ADAMTSL1: variants seen among roughly 807,000 people sequenced by gnomAD.
ADAMTSL1 encodes ADAMTS like 1, also known as ADAMTS-like protein 1.
ADAMTSL1 carries 126 observed loss-of-function variants against 201.8 expected under a neutral mutation model. That is an observed-to-expected ratio of 0.62 (90% CI 0.54 to 0.72). The LOEUF (loss-of-function observed/expected upper bound fraction) is 0.72. Ranked by LOEUF, ADAMTSL1 falls within the 30% of genes least tolerant of loss-of-function variation. The pLI, the probability that ADAMTSL1 is intolerant of heterozygous loss-of-function variation, is 0.00. For missense variants in ADAMTSL1, 2,679 were observed against 2,277.8 expected (o/e 1.18, Z -3.59); for synonymous variants, 1,121 against 903.4 (o/e 1.24, Z -4.32).
Position 17,990,410 on chromosome 9 carries a change from C to T in ADAMTSL1, c.87+83488C>T, listed in dbSNP as rs540488055. 2.6e-5 allele frequency among the ~76,000 whole-genome samples: 4 copies of T among 152,098 alleles called. No homozygotes were observed. In the East Asian group the frequency reaches 5.8e-4, roughly 22 times the overall value. Reference sequence around the variant, plus strand: ...TCATTTTGTTTTTGGTTAATTAAGTCAGTTTGTTGCCACAAAATAGTAACT... The same window carrying T: ...TCATTTTGTTTTTGGTTAATTAAGTTAGTTTGTTGCCACAAAATAGTAACT... On this transcript the variant is annotated intron_variant, in intron 1 of 29. Transcript: ENST00000680146.
intron 23 of ADAMTSL1, among the ~76,000 whole-genome samples, chr9:18,853,749 C>A (rs1045413496): frequency 2.6e-5 from 4 of 152,152 alleles, no homozygotes; most frequent in Non-Finnish European, 4.4e-5. Context: ...TAGATCAGAT[C>A]TCTATCACTG....
intron 2 of ADAMTSL1, among the ~76,000 whole-genome samples, chr9:18,433,804 CT>C (rs1437521961): frequency 8.5e-5 from 13 of 152,300 alleles, no homozygotes; most frequent in African/African-American, 3.1e-4. Flanking sequence ...AACAAAATGA[CT>C]CATAAAATTG....
At chr9:18,227,675 T>C (rs1830481292) in intron 2 of ADAMTSL1, among the ~76,000 whole-genome samples, 1 of 152,118 alleles carries the variant, frequency 6.6e-6, no homozygotes. Flanking sequence ...GCTCATTAGG[T>C]CCTTTCTGTC....
chr9:18,002,485 T>C (rs1290829039), intron 1 of ADAMTSL1, among the ~76,000 whole-genome samples: 1 of 152,038 alleles, frequency 6.6e-6, no homozygotes, highest in Non-Finnish European at 1.5e-5. Context: ...CTTAGTAAGT[T>C]CTTAATAATG....
intron 2 of ADAMTSL1, among the ~76,000 whole-genome samples, chr9:18,327,298 G>A (rs1311255897): frequency 6.6e-6 from 1 of 152,206 alleles, no homozygotes; most frequent in South Asian, 2.1e-4. Flanking sequence ...CTATGGTTAT[G>A]CTACTCTTGA....
chr9:18,372,710 C>T (rs1484851479), intron 2 of ADAMTSL1, among the ~76,000 whole-genome samples: 1 of 152,158 alleles, frequency 6.6e-6, no homozygotes, highest in African/African-American at 2.4e-5. Context: ...TAATTGAAGG[C>T]TTGCTCCCAT....
At chr9:18,374,837 C>G (rs1241088588) in intron 2 of ADAMTSL1, among the ~76,000 whole-genome samples, 1 of 152,178 alleles carries the variant, frequency 6.6e-6, no homozygotes. Context: ...ATCAACCACC[C>G]CTCTCCATTT....
intron 1 of ADAMTSL1, among the ~76,000 whole-genome samples, chr9:18,099,670 C>G (rs1055888834): frequency 1.4e-5 from 2 of 142,296 alleles, no homozygotes; most frequent in African/African-American, 5.4e-5. Flanking sequence ...TGGAGTCTCG[C>G]TCTGTTGCCC....
intron 1 of ADAMTSL1, among the ~76,000 whole-genome samples, chr9:18,133,259 C>G (rs1249769489): frequency 6.6e-6 from 1 of 152,108 alleles, no homozygotes; most frequent in African/African-American, 2.4e-5. Context: ...AGGCTAATAA[C>G]TCATCTGATG....
At chr9:17,965,656 C>G (rs182168652) in intron 1 of ADAMTSL1, among the ~76,000 whole-genome samples, 1 of 152,286 alleles carries the variant, frequency 6.6e-6, no homozygotes, top group Non-Finnish European at 1.5e-5. Flanking sequence ...AGAGTTTTGA[C>G]AATTCCTATG....
chr9:18,432,657 G>A (rs1227571465), intron 2 of ADAMTSL1, among the ~76,000 whole-genome samples: 1 of 152,200 alleles, frequency 6.6e-6, no homozygotes, highest in Non-Finnish European at 1.5e-5. Flanking sequence ...GTTGCTTGCT[G>A]AGGGCCTCAG....
At chr9:18,451,176 A>G (rs1251720417) in intron 2 of ADAMTSL1, among the ~76,000 whole-genome samples, 2 of 152,178 alleles carry the variant, frequency 1.3e-5, no homozygotes, top group Non-Finnish European at 2.9e-5. Context: ...CCATTTTATC[A>G]AAGCTGAGAA....
intron 3 of ADAMTSL1, among the ~76,000 whole-genome samples, chr9:18,557,825 C>G (rs942663820): frequency 6.6e-6 from 1 of 152,042 alleles, no homozygotes; most frequent in African/African-American, 2.4e-5. Context: ...ATCTATCAAT[C>G]TCACCCTTTC....
At chr9:18,065,227 C>T (rs1000373975) in intron 1 of ADAMTSL1, among the ~76,000 whole-genome samples, 9 of 152,060 alleles carry the variant, frequency 5.9e-5, no homozygotes, top group Non-Finnish European at 1.2e-4. Context: ...ATTCACATCT[C>T]TGTTGGGATG....
chr9:18,799,533 C>T (rs1160125504), intron 20 of ADAMTSL1, among the ~76,000 whole-genome samples: 6 of 152,074 alleles, frequency 3.9e-5, no homozygotes, highest in Non-Finnish European at 8.8e-5. Flanking sequence ...GTGAGGTCAT[C>T]GACAAAAGGG....
intron 1 of ADAMTSL1, among the ~76,000 whole-genome samples, chr9:18,155,773 A>G (rs1225361485): frequency 6.6e-6 from 1 of 151,994 alleles, no homozygotes; most frequent in Non-Finnish European, 1.5e-5. Context: ...GCCTGTTTTG[A>G]TACAGATAGG....
chr9:18,516,087 C>CAAAAAAG (rs1818347575), intron 2 of ADAMTSL1, among the ~76,000 whole-genome samples: 1 of 131,124 alleles, frequency 7.6e-6, no homozygotes, highest in Admixed American at 7.8e-5. Flanking sequence ...CCTCAACTAC[C>CAAAAAAG]AAAAAAAAAA....
At chr9:18,314,835 C>T (rs1486551176) in intron 2 of ADAMTSL1, among the ~76,000 whole-genome samples, 32 of 108,618 alleles carry the variant, frequency 2.9e-4, no homozygotes, top group Admixed American at 4.4e-4. Flanking sequence ...CTTGCTCTGT[C>T]GCCCAGGCTG....
At chr9:18,164,845 C>T (rs1827563594) in intron 2 of ADAMTSL1, among the ~76,000 whole-genome samples, 1 of 151,884 alleles carries the variant, frequency 6.6e-6, no homozygotes, top group African/African-American at 2.4e-5. Flanking sequence ...CATATTGTGT[C>T]ACATGTGTTT....
Sources: gnomAD v4.1 joint callset for allele counts (sites outside exome capture counted in the v4.1 genomes callset) on GRCh38, gnomAD v4.1.1 for gene constraint, MANE v1.5 for transcripts, NCBI Gene and HGNC (gene_info 2026-07-23, HGNC 2026-07-21) for gene names.